The following EP300 variants were observed in gnomAD, a reference collection of about 807,000 sequenced individuals.
EP300 encodes EP300 lysine acetyltransferase, also known as histone acetyltransferase p300.
In EP300, 31 loss-of-function variants were observed where a neutral mutation model predicts 264.0. The ratio of observed to expected loss-of-function variants is 0.12; its 90% confidence interval spans 0.09 to 0.16. EP300 has a LOEUF of 0.16. Ranked by LOEUF, EP300 falls within the 10% of genes least tolerant of loss-of-function variation. The pLI, the probability that EP300 is intolerant of heterozygous loss-of-function variation, is 1.00. For missense variants in EP300, 2,766 were observed against 3,052.9 expected (o/e 0.91, Z 2.21); for synonymous variants, 1,340 against 1,045.4 (o/e 1.28, Z -5.44).
At chr22:41,150,487 CCTT>C (rs1230765244) in intron 14 of EP300, among the ~76,000 whole-genome samples, 3 of 152,166 alleles carry the variant, frequency 2.0e-5, no homozygotes, top group Non-Finnish European at 4.4e-5. Context: ...GGGACACAAT[CCTT>C]CTCCTTATTT....
At chr22:41,120,293 C>G (rs942448567) in intron 2 of EP300, among the ~76,000 whole-genome samples, 1 of 152,128 alleles carries the variant, frequency 6.6e-6, no homozygotes, top group Admixed American at 6.6e-5. Context: ...CCAGCCCCAG[C>G]AACATAGTGA....
chr22:41,173,550 G>T, intron 28 of EP300, 73 bp from the exon 29 acceptor site: 4 of 1,458,918 alleles, frequency 2.7e-6, no homozygotes, highest in East Asian at 2.3e-5. Context: ...TCAAAGAAGG[G>T]AGATATTCTG....
chr22:41,113,157 A>ACCCC (rs10529110), intron 1 of EP300, among the ~76,000 whole-genome samples: 6,725 of 91,750 alleles, frequency 0.073, 772 homozygotes, highest in East Asian at 0.099. Context: ...TCAGGATTCC[A>ACCCC]CCCCCCCCCC....
chr22:41,161,492 C>T (rs1601627499), intron 20 of EP300, among the ~76,000 whole-genome samples: 1 of 152,228 alleles, frequency 6.6e-6, no homozygotes, highest in Middle Eastern at 3.4e-3. Flanking sequence ...TGGTGGGCGC[C>T]TGTAGTCCCA....
chr22:41,119,535 A>G (rs1223012061), intron 2 of EP300, among the ~76,000 whole-genome samples: 1 of 152,186 alleles, frequency 6.6e-6, no homozygotes, highest in Admixed American at 6.6e-5. Context: ...CTTTAGGGTT[A>G]AAGTAGTGAA....
chr22:41,093,034 G>T lies in EP300; in HGVS notation c.30G>T (p.Pro10=), dbSNP rs754309936. Residue 10 remains proline (P), a synonymous_variant, in exon 1 of 31, where the codon CCG becomes CCT. Transcript: ENST00000263253. MAENVVEPG[P]PSAKRPKLSS... ...CCGAGAATGTGGTGGAACCGGGGCCGCCTTCAGCCAAGCGGCCTAAACTCT... is the reference window on the plus strand; with the variant it reads ...CCGAGAATGTGGTGGAACCGGGGCCTCCTTCAGCCAAGCGGCCTAAACTCT... 6.2e-7 allele frequency: 1 copy of T among 1,614,116 alleles called. No homozygotes were observed. The highest frequency in any genetic ancestry group is 1.1e-5 in the South Asian group (1 of 91,072).
intron 11 of EP300, 133 bp from the exon 12 acceptor site, chr22:41,147,704 C>T (rs1601617808): frequency 2.9e-6 from 2 of 688,562 alleles, no homozygotes; most frequent in Non-Finnish European, 5.1e-6. Context: ...CGCCACTGCA[C>T]TCCAGCCTGG....
Position 41,179,958 on chromosome 22 carries a change from A to G in EP300, c.*1002A>G, listed in dbSNP as rs1029163861. On this transcript the variant is annotated 3_prime_UTR_variant, in exon 31 of 31. Transcript: ENST00000263253. ...AACTTGAAAATAGCAAAAACCCTCA[A>G]CTGTTGTAAATCATGCAATTAAAGT... 8.4e-5 allele frequency: 19 copies of G among 227,030 alleles called. No homozygotes were observed. Among genetic ancestry groups the G allele is most frequent in the Non-Finnish European group, 1.6e-4 (18 of 114,326 alleles). 14.1% of individuals were successfully genotyped at this position (227,030 alleles called of 1,614,324 possible).
intron 4 of EP300, among the ~76,000 whole-genome samples, chr22:41,129,567 G>T (rs2058904515): frequency 6.6e-6 from 1 of 152,184 alleles, no homozygotes; most frequent in African/African-American, 2.4e-5. Flanking sequence ...AGGCATGTGT[G>T]TCATAACATT....
intron 2 of EP300, among the ~76,000 whole-genome samples, chr22:41,122,295 A>G (rs1359522055): frequency 6.6e-6 from 1 of 151,176 alleles, no homozygotes; most frequent in Non-Finnish European, 1.5e-5. Context: ...TCTCCCGAGT[A>G]GGTGGGATTG....
chr22:41,129,341 T>C (rs978332071), intron 4 of EP300, among the ~76,000 whole-genome samples: 1 of 152,194 alleles, frequency 6.6e-6, no homozygotes, highest in Admixed American at 6.5e-5. Context: ...TGAGCAAGTA[T>C]CTAAGGATGT....
chr22:41,177,546 G>A lies in EP300; in HGVS notation c.5835G>A (p.Val1945=), dbSNP rs948072024. The part of the protein sequence containing the change: ...AAETQRQMAH[V]QIFQRPIQHQ... Reference sequence around the variant, plus strand: ...AGACGCAGCGCCAGATGGCCCACGTGCAAATTTTTCAAAGGCCAATCCAAC... The same window carrying A: ...AGACGCAGCGCCAGATGGCCCACGTACAAATTTTTCAAAGGCCAATCCAAC... The change falls in exon 31 of 31, where the codon GTG becomes GTA. Residue 1945 remains valine, a synonymous_variant. Transcript: ENST00000263253. 6.2e-7 allele frequency: 1 copy of A among 1,614,044 alleles called. No homozygotes were observed. The highest frequency in any genetic ancestry group is 1.3e-5 in the African/African-American group (1 of 74,912).
In EP300 at chr22:41,141,136, A is replaced by C. The variant is rs1405828471; in HGVS notation, c.1967A>C (p.Asn656Thr). 6.2e-7 allele frequency: 1 copy of C among 1,614,236 alleles called. No homozygotes were observed. The change falls in exon 10 of 31, where the codon AAC becomes ACC. Residue 656 changes from asparagine (N) to threonine (T), a missense_variant. Coordinates refer to ENST00000263253, the MANE Select transcript of EP300 (RefSeq NM_001429.4). ...EKRRTRLQKQ[N>T]MLPNAAGMVP... ...CGAAGGACCAGACTACAGAAGCAGA[A>C]CATGCTACCAAATGCTGCAGGCATG... is the stretch of plus-strand genomic sequence containing the variant.
chr22:41,108,479 G>A (rs1011748788), intron 1 of EP300, among the ~76,000 whole-genome samples: 2 of 151,726 alleles, frequency 1.3e-5, no homozygotes, highest in African/African-American at 2.4e-5. Flanking sequence ...GAACTCCTGC[G>A]TTCAAGCAAC....
chr22:41,093,568 T>C (rs760381976), intron 1 of EP300, among the ~76,000 whole-genome samples: 3 of 152,248 alleles, frequency 2.0e-5, no homozygotes, highest in Non-Finnish European at 2.9e-5. Flanking sequence ...AGGAATAGGG[T>C]GTAAAAAAAT....
At chr22:41,115,671 T>A (rs2058816895) in intron 1 of EP300, among the ~76,000 whole-genome samples, 1 of 152,170 alleles carries the variant, frequency 6.6e-6, no homozygotes, top group Non-Finnish European at 1.5e-5. Flanking sequence ...CTTGGCCTTC[T>A]AAAGTACTGA....
In EP300 at chr22:41,148,997, A is replaced by G. The variant is rs769750991; in HGVS notation, c.2242-41A>G. ...ATTTTAGTTATAGTAGAATAACTAT[A>G]ATGAAGCAGTTTGGTGATTTGTGTT... On this transcript the variant is annotated intron_variant, in intron 12 of 30. Coordinates refer to ENST00000263253, the MANE Select transcript of EP300 (RefSeq NM_001429.4). 1.1e-5 allele frequency: 18 copies of G among 1,612,804 alleles called. No homozygotes were observed. In the South Asian group the frequency reaches 1.3e-4, roughly 12 times the overall value.
intron 1 of EP300, among the ~76,000 whole-genome samples, chr22:41,108,823 T>C (rs985148893): frequency 3.3e-5 from 5 of 152,220 alleles, no homozygotes; most frequent in Non-Finnish European, 5.9e-5. Flanking sequence ...GATAGTTCCT[T>C]CATTTCAACA....
At chr22:41,132,286 C>CT (rs532779902) in intron 6 of EP300, among the ~76,000 whole-genome samples, 1,262 of 56,780 alleles carry the variant, frequency 0.022, 94 homozygotes, top group African/African-American at 0.064. Context: ...TTCTTTCATT[C>CT]TTTTTTTTTT....
Sources: allele counts gnomAD v4.1 joint callset (sites outside exome capture counted in the v4.1 genomes callset), GRCh38; gene constraint gnomAD v4.1.1; transcripts MANE v1.5; gene names NCBI Gene and HGNC (gene_info 2026-07-23, HGNC 2026-07-21).